Variants in MET observed in about 807,000 individuals in gnomAD.
The protein encoded by MET is MET proto-oncogene, receptor tyrosine kinase, also known as hepatocyte growth factor receptor.
MET carries 48 observed loss-of-function variants against 133.1 expected under a neutral mutation model. That is an observed-to-expected ratio of 0.36 (90% CI 0.29 to 0.46). The LOEUF (loss-of-function observed/expected upper bound fraction) is 0.46, where lower values mean the gene tolerates loss of function less well. Ranked by LOEUF, MET falls within the 20% of genes least tolerant of loss-of-function variation. The pLI, the probability that MET is intolerant of heterozygous loss-of-function variation, is 1.00. For synonymous variants in MET, 628 were observed against 616.5 expected (o/e 1.02, Z -0.28); for missense variants, 1,442 against 1,695.9 (o/e 0.85, Z 2.63).
intron 2 of MET, chr7:116,724,980 C>A: frequency 2.8e-6 from 2 of 712,246 alleles, no homozygotes; most frequent in South Asian, 1.9e-5. Flanking sequence ...TAAGGTCATG[C>A]AACTCATCAA....
rs565992619 is a variant in MET, at chr7:116,735,218, C to T, written c.1392+3359C>T. On this transcript the variant is annotated intron_variant, in intron 3 of 20. Transcript: ENST00000397752. The stretch of plus-strand genomic sequence containing the variant: ...GTTCCATCCTAGCTCTTCCCGCATG[C>T]CCCTTTCGCCTCTCCAAGTTCCTAA... Among the ~76,000 whole-genome samples, 67 of 152,290 alleles carry T rather than the reference C, an allele frequency of 4.4e-4. 1 individual carries two copies. The highest frequency in any genetic ancestry group is 1.5e-3 in the African/African-American group (64 of 41,562).
At chr7:116,696,969 G>A (rs904048222) in intron 1 of MET, among the ~76,000 whole-genome samples, 2 of 152,130 alleles carry the variant, frequency 1.3e-5, no homozygotes, top group African/African-American at 4.8e-5. Flanking sequence ...TGCTCTGTCT[G>A]CCCAGAGTTT....
intron 11 of MET, among the ~76,000 whole-genome samples, chr7:116,769,007 C>A (rs538646878): frequency 6.6e-6 from 1 of 152,132 alleles, no homozygotes; most frequent in Non-Finnish European, 1.5e-5. Flanking sequence ...AATAGTCATA[C>A]AGCATCTCAC....
In MET at chr7:116,771,928, A is replaced by G. The variant is rs1186781402; in HGVS notation, c.2967A>G (p.Val989=). Residue 989 remains valine (V), a synonymous_variant, in exon 14 of 21, where the codon GTA becomes GTG. Transcript: ENST00000397752. ...HLDRLVSARS[V]SPTTEMVSNE... Reference sequence around the variant, plus strand: ...ATAGGCTTGTAAGTGCCCGAAGTGTAAGCCCAACTACAGAAATGGTTTCAA... The same window carrying G: ...ATAGGCTTGTAAGTGCCCGAAGTGTGAGCCCAACTACAGAAATGGTTTCAA... 1 of 1,613,942 alleles carries G rather than the reference A, an allele frequency of 6.2e-7. No individual in the cohort carries two copies. Among genetic ancestry groups the G allele is most frequent in the Admixed American group, 1.7e-5 (1 of 59,992 alleles).
chr7:116,672,650 A>G (rs1013077332), intron 1 of MET, 73 bp downstream of exon 1: 30 of 373,326 alleles, frequency 8.0e-5, no homozygotes, highest in Non-Finnish European at 1.3e-4. Context: ...TTGTTCCCCT[A>G]AGAGACCTGA....
At chr7:116,730,293 G>A (rs986091685) in intron 2 of MET, among the ~76,000 whole-genome samples, 16 of 152,190 alleles carry the variant, frequency 1.1e-4, no homozygotes, top group Admixed American at 2.6e-4. Flanking sequence ...AGGCCTGCTC[G>A]CTGGAGCACT....
intron 9 of MET, 160 bp from the exon 10 acceptor site, chr7:116,759,231 A>G (rs138624555): frequency 1.4e-4 from 143 of 1,020,776 alleles, no homozygotes; most frequent in African/African-American, 1.3e-3. Flanking sequence ...TTCAAGTTAA[A>G]TAAGTTGTTT....
chr7:116,727,266 G>T (rs558670539), intron 2 of MET, among the ~76,000 whole-genome samples: 1 of 152,224 alleles, frequency 6.6e-6, no homozygotes, highest in South Asian at 2.1e-4. Flanking sequence ...AGAAGCAAAA[G>T]AAATTCAGGA....
intron 17 of MET, among the ~76,000 whole-genome samples, chr7:116,780,512 G>C (rs894748151): frequency 1.3e-5 from 2 of 152,026 alleles, no homozygotes; most frequent in Non-Finnish European, 2.9e-5. Context: ...TACCCTGATG[G>C]ATTAATGTGG....
chr7:116,687,642 A>G (rs1796609253), intron 1 of MET, among the ~76,000 whole-genome samples: 1 of 152,232 alleles, frequency 6.6e-6, no homozygotes, highest in Non-Finnish European at 1.5e-5. Context: ...AATGTCATAT[A>G]CTGACAATTT....
At chr7:116,791,469 A>G (rs1185329274) in intron 19 of MET, among the ~76,000 whole-genome samples, 6 of 152,100 alleles carry the variant, frequency 3.9e-5, no homozygotes, top group Non-Finnish European at 5.9e-5. Flanking sequence ...GCCTCTTTTC[A>G]TGAGCTTATT....
At position 116,715,964 on chromosome 7, in the gene MET, G is replaced by A. The variant is rs532802993; in HGVS notation, c.1200+15680G>A. ...TTTAATTCAATAGAAGAGAGTATAA[G>A]AATCAGCCAGGCATGGTGGCTCATG... On this transcript the variant is annotated intron_variant, in intron 2 of 20. Coordinates refer to ENST00000397752, the MANE Select transcript of MET (RefSeq NM_000245.4). 3.5e-4 allele frequency among the ~76,000 whole-genome samples: 53 copies of A among 152,124 alleles called. 1 individual carries two copies. Among genetic ancestry groups the A allele is most frequent in the Non-Finnish European group, 3.7e-4 (25 of 68,018 alleles).
rs750531377 is a variant in MET, at chr7:116,700,033, C to T, written c.949C>T (p.Leu317Phe). 3.1e-6 allele frequency: 5 copies of T among 1,614,038 alleles called. No individual in the cohort carries two copies. Among genetic ancestry groups the T allele is most frequent in the East Asian group, 4.5e-5 (2 of 44,878 alleles). The change falls in exon 2 of 21, where the codon CTT becomes TTT. Residue 317 changes from leucine (L) to phenylalanine (F), a missense_variant. Physicochemically the swap from Leu to Phe is conservative, Grantham distance 22. Coordinates refer to ENST00000397752, the MANE Select transcript of MET (RefSeq NM_000245.4). Reference protein sequence around the residue: ...RSTKKEVFNILQAAYVSKPGA... With the variant: ...RSTKKEVFNIFQAAYVSKPGA... ...CACAAAGAAGGAAGTGTTTAATATACTTCAGGCTGCGTATGTCAGCAAGCC... is the reference window on the plus strand; with the variant it reads ...CACAAAGAAGGAAGTGTTTAATATATTTCAGGCTGCGTATGTCAGCAAGCC...
chr7:116,685,054 T>A (rs1320412256), intron 1 of MET, among the ~76,000 whole-genome samples: 1 of 152,148 alleles, frequency 6.6e-6, no homozygotes, highest in Non-Finnish European at 1.5e-5. Flanking sequence ...ATGGGACATG[T>A]TCAGCACTGA....
At chr7:116,727,282 A>G (rs1792832669) in intron 2 of MET, among the ~76,000 whole-genome samples, 1 of 152,194 alleles carries the variant, frequency 6.6e-6, no homozygotes, top group African/African-American at 2.4e-5. Flanking sequence ...CAGGAGTTTG[A>G]ACATAAGAGA....
intron 2 of MET, among the ~76,000 whole-genome samples, chr7:116,719,893 C>G (rs529356574): frequency 0.032 from 4,855 of 151,716 alleles, 218 homozygotes; most frequent in African/African-American, 0.11. Context: ...GTTACTGTAG[C>G]CTTGTAGTAT....
intron 2 of MET, among the ~76,000 whole-genome samples, chr7:116,703,610 A>T (rs556123759): frequency 6.6e-6 from 1 of 152,304 alleles, no homozygotes; most frequent in East Asian, 1.9e-4. Flanking sequence ...CTTGTTTAAA[A>T]TTAAGTGGAA....
chr7:116,777,056 G>C (rs1311298215), intron 15 of MET, among the ~76,000 whole-genome samples: 8 of 151,954 alleles, frequency 5.3e-5, no homozygotes, highest in Admixed American at 5.2e-4. Context: ...AAATTTATTT[G>C]ATGAGGCCGA....
At chr7:116,781,960 A>G in intron 17 of MET, 28 bp from the exon 18 acceptor site, 1 of 1,389,890 alleles carries the variant, frequency 7.2e-7, no homozygotes. Context: ...TGCTTAGTTT[A>G]TGCTTTTCTA....
Sources: allele counts gnomAD v4.1 joint callset (sites outside exome capture counted in the v4.1 genomes callset), GRCh38; gene constraint gnomAD v4.1.1; transcripts MANE v1.5; gene names NCBI Gene and HGNC (gene_info 2026-07-23, HGNC 2026-07-21).